KMO: variants seen among roughly 807,000 people sequenced by gnomAD.
The protein encoded by KMO is kynurenine 3-hydroxylase.
A neutral mutation model predicts 57.8 loss-of-function variants in KMO; 24 were observed. The observed-to-expected ratio is 0.42, with a 90% CI of 0.30 to 0.58. The LOEUF is 0.58. KMO is among the 20% of genes least tolerant of loss of function. The pLI, the probability that KMO is intolerant of heterozygous loss-of-function variation, is 0.22. For synonymous variants in KMO, 210 were observed against 193.6 expected, an observed-to-expected ratio of 1.08 and a Z score of -0.70; for missense variants, 483 against 588.2, an observed-to-expected ratio of 0.82 and a Z score of 1.85.
At chr1:241,555,108 C>A (rs1407870483) in intron 4 of KMO, among the ~76,000 whole-genome samples, 1 of 152,122 alleles carries the variant, frequency 6.6e-6, no homozygotes, top group African/African-American at 2.4e-5. Context: ...AAGGACTGGT[C>A]CTATTCCTAT....
chr1:241,576,942 TTTTC>T (rs1273751069), intron 10 of KMO, among the ~76,000 whole-genome samples: 3 of 152,156 alleles, frequency 2.0e-5, no homozygotes, highest in African/African-American at 7.2e-5. Flanking sequence ...TTTGATTATA[TTTTC>T]TTTATTTTGT....
intron 13 of KMO, 41 bp downstream of exon 13, chr1:241,590,154 T>C (rs1024945228): frequency 1.9e-6 from 3 of 1,608,812 alleles, no homozygotes; most frequent in Non-Finnish European, 2.6e-6. Flanking sequence ...TTTGATTTTC[T>C]GTTTAGCTGT....
At chr1:241,590,303 T>C (rs776615222) in intron 14 of KMO, 40 bp downstream of exon 14, 14 of 1,416,938 alleles carry the variant, frequency 9.9e-6, no homozygotes, top group Non-Finnish European at 1.4e-5. Context: ...TAATGTGGTG[T>C]TTTGAAATGT....
chr1:241,551,027 T>C lies in KMO; in HGVS notation c.295T>C (p.Tyr99His). The C allele has an allele frequency of 6.4e-7, 1 of 1,561,350 alleles. No individual in the cohort carries two copies. ...TTCAGGAAAAAAGTCTGCAATTCCCTATGGGACAAAGTCTCAGGTAGGTTT... is the reference window on the plus strand; with the variant it reads ...TTCAGGAAAAAAGTCTGCAATTCCCCATGGGACAAAGTCTCAGGTAGGTTT... ...SLSGKKSAIP[Y>H]GTKSQYILSV... Residue 99 changes from tyrosine (Y) to histidine (H), a missense_variant, in exon 4 of 15, where the codon TAT becomes CAT. Tyr to His is a moderately conservative substitution (Grantham distance 83, BLOSUM62 2). This residue lies in a region of KMO where 410 missense variants were observed against 492.3 expected (regional missense o/e 0.83). Transcript: ENST00000366559.
chr1:241,540,674 AT>A (rs1334391769), intron 1 of KMO, among the ~76,000 whole-genome samples: 3 of 152,204 alleles, frequency 2.0e-5, no homozygotes, highest in African/African-American at 7.2e-5. Flanking sequence ...GTAAGAATCC[AT>A]TATGTCATAT....
chr1:241,565,226 T>C (rs1662030474), intron 8 of KMO, among the ~76,000 whole-genome samples, 168 bp downstream of exon 8: 1 of 152,170 alleles, frequency 6.6e-6, no homozygotes. Context: ...ATCTGAAGGA[T>C]TTCCAATTAT....
Position 241,568,615 on chromosome 1 carries a change from A to G in KMO, c.925A>G (p.Ile309Val), listed in dbSNP as rs1371227593. 3 of 1,613,864 alleles carry G rather than the reference A, an allele frequency of 1.9e-6. No homozygotes were observed. The highest frequency in any genetic ancestry group is 1.7e-5 in the Admixed American group (1 of 59,994). The change falls in exon 10 of 15, where the codon ATA becomes GTA. Residue 309 changes from isoleucine to valine, a missense_variant. Physicochemically the swap from Ile to Val is conservative, Grantham distance 29 (BLOSUM62 3). This residue lies in a region of KMO where 410 missense variants were observed against 492.3 expected (regional missense o/e 0.83). Coordinates refer to ENST00000366559, the MANE Select transcript of KMO (RefSeq NM_003679.5). ...CVLLGDAAHA[I>V]VPFFGQGMNA... ...ACTGCTGGGAGATGCAGCTCATGCT[A>G]TAGTGCCGTTTTTTGGGCAAGGAAT... is the stretch of plus-strand genomic sequence containing the variant.
intron 7 of KMO, among the ~76,000 whole-genome samples, 155 bp downstream of exon 7, chr1:241,562,487 A>G (rs1318327758): frequency 6.6e-6 from 1 of 152,242 alleles, no homozygotes; most frequent in African/African-American, 2.4e-5. Flanking sequence ...ATGCATGGGT[A>G]TCTTTTTAAC....
intron 1 of KMO, among the ~76,000 whole-genome samples, chr1:241,538,133 G>C (rs912195452): frequency 6.6e-6 from 1 of 152,072 alleles, no homozygotes; most frequent in Non-Finnish European, 1.5e-5. Context: ...CATAATCAAG[G>C]TTCATGACTC....
In KMO at chr1:241,542,389, G is replaced by A. The variant is rs548739837; in HGVS notation, c.55-6440G>A. On this transcript the variant is annotated intron_variant, in intron 1 of 14. Transcript: ENST00000366559. ...GAAGTATGACGAGACAGAAGAAAGT[G>A]GAGAAGCGAGATAATGATACATTGG... Among the ~76,000 whole-genome samples, 141 of 152,330 alleles carry A rather than the reference G, an allele frequency of 9.3e-4. 1 individual carries two copies. The South Asian group carries it at 0.028, about 30-fold the overall frequency.
chr1:241,549,266 A>AAAGTCAGAAAGAAAGAAAGG (rs1348387681), intron 2 of KMO, among the ~76,000 whole-genome samples: 1 of 117,556 alleles, frequency 8.5e-6, no homozygotes, highest in African/African-American at 3.3e-5. Context: ...AGAAAGAAAG[A>AAAGTCAGAAAGAAAGAAAGG]AAGGAAGGAA....
intron 10 of KMO, among the ~76,000 whole-genome samples, chr1:241,571,144 C>T (rs10926518): frequency 0.5 from 76,130 of 151,816 alleles, 19,629 homozygotes; most frequent in Middle Eastern, 0.61. Context: ...TGTAACTTTA[C>T]TAAATTTGTT....
intron 9 of KMO, 108 bp from the exon 10 acceptor site, chr1:241,568,392 T>G (rs1662157431): frequency 1.8e-6 from 2 of 1,114,484 alleles, no homozygotes; most frequent in African/African-American, 3.2e-5. Flanking sequence ...TTGGCATTCT[T>G]GTTTTTCAAC....
At chr1:241,548,453 C>T (rs749464389) in intron 1 of KMO, among the ~76,000 whole-genome samples, 12 of 151,746 alleles carry the variant, frequency 7.9e-5, no homozygotes, top group South Asian at 2.1e-4. Flanking sequence ...GGAGGAATGA[C>T]GCTATTCTAC....
chr1:241,590,186 T>G lies in KMO; in HGVS notation c.1201-18T>G, dbSNP rs1195166274. 6.2e-7 allele frequency: 1 copy of G among 1,612,398 alleles called. No homozygotes were observed. The highest frequency in any genetic ancestry group is 1.7e-5 in the Admixed American group (1 of 59,812). ...CTGTTAAAGAATACACAAGAATACTTTTTAAACTTCCCTGCAGGTCACTTT... is the reference window on the plus strand; with the variant it reads ...CTGTTAAAGAATACACAAGAATACTGTTTAAACTTCCCTGCAGGTCACTTT... On this transcript the variant is annotated intron_variant, in intron 13 of 14. Transcript: ENST00000366559.
chr1:241,588,650 G>T, intron 11 of KMO, 98 bp from the exon 12 acceptor site: 2 of 739,484 alleles, frequency 2.7e-6, no homozygotes, highest in South Asian at 1.7e-5. Context: ...AAAAATTAGC[G>T]AGAGCATTGG....
At chr1:241,557,546 A>T (rs769366877) in intron 5 of KMO, among the ~76,000 whole-genome samples, 3 of 152,236 alleles carry the variant, frequency 2.0e-5, no homozygotes, top group Non-Finnish European at 4.4e-5. Context: ...CAGATACAAG[A>T]AAGAGGGTTT....
intron 4 of KMO, among the ~76,000 whole-genome samples, chr1:241,552,357 C>G (rs1432715240): frequency 6.6e-6 from 1 of 152,118 alleles, no homozygotes; most frequent in Non-Finnish European, 1.5e-5. Flanking sequence ...TATAGGGGCC[C>G]CACATACTTC....
At chr1:241,542,892 A>G (rs1661007668) in intron 1 of KMO, among the ~76,000 whole-genome samples, 1 of 152,236 alleles carries the variant, frequency 6.6e-6, no homozygotes, top group Non-Finnish European at 1.5e-5. Context: ...TTTTACAGAA[A>G]GTGAGAGGGG....
Sources: gnomAD v4.1 joint callset for allele counts (sites outside exome capture counted in the v4.1 genomes callset) on GRCh38, gnomAD v4.1.1 for gene constraint, gnomAD v4.1.1 regional missense constraint, MANE v1.5 for transcripts, NCBI Gene and HGNC (gene_info 2026-07-23, HGNC 2026-07-21) for gene names.